ZNF263: variants seen among roughly 807,000 people sequenced by gnomAD.
ZNF263 encodes the protein zinc finger protein 263, also known as zinc finger protein FPM315.
Under a neutral mutation model 63.1 loss-of-function variants are expected in ZNF263, and 49 were observed. The observed-to-expected ratio is 0.78, with a 90% confidence interval of 0.62 to 0.99. The LOEUF (loss-of-function observed/expected upper bound fraction) is 0.99, where lower values mean the gene tolerates loss of function less well. Ranked by LOEUF, ZNF263 falls within the 50% of genes least tolerant of loss-of-function variation. The probability of loss-of-function intolerance (pLI) is 0.00; values close to 1 mark genes in which losing one functional copy is unlikely to be tolerated. For missense variants in ZNF263, 872 were observed against 854.8 expected (o/e 1.02, Z -0.25); for synonymous variants, 352 against 324.2 (o/e 1.09, Z -0.92).
chr16:3,289,398 G>A lies in ZNF263; in HGVS notation c.892G>A (p.Glu298Lys), dbSNP rs761573685. Residue 298 changes from glutamate to lysine, a missense_variant, in exon 6 of 6, where the codon GAG (glutamate) becomes AAG (lysine). By Grantham distance (56) the Glu-to-Lys change is moderately conservative (BLOSUM62 1). Transcript: ENST00000219069. ...GGTTTCTCTCTCTCTACCAGGAGAA[G>A]AGAAATTTGAGAACCTGGAAGGTGT... is the stretch of plus-strand genomic sequence containing the variant. The part of the protein sequence containing the change: ...LSPRGPAPGE[E>K]KFENLEGVPS... The A allele has an allele frequency of 6.6e-7, 1 of 1,510,300 alleles. No individual in the cohort carries two copies. The highest frequency in any genetic ancestry group is 2.3e-5 in the East Asian group (1 of 43,834). 93.6% of individuals were successfully genotyped at this position (1,510,300 alleles called of 1,614,324 possible). A position where few individuals can be genotyped will look rare whatever the true frequency, so the allele number is the denominator to read the frequency against.
At position 3,283,672 on chromosome 16, in the gene ZNF263, G is replaced by T; in HGVS notation, c.-147G>T. On this transcript the variant is annotated 5_prime_UTR_variant, in exon 1 of 6. Transcript: ENST00000219069. The stretch of plus-strand genomic sequence containing the variant: ...AGGCCTAGGCGCCGGAGCCGGCCGC[G>T]CCTGGGCTGGAGCGGGGCTCCTCGG... 5.5e-6 allele frequency: 7 copies of T among 1,283,408 alleles called. No individual in the cohort carries two copies. Among genetic ancestry groups the T allele is most frequent in the African/African-American group, 1.5e-5 (1 of 64,610 alleles). 79.5% of individuals were successfully genotyped at this position (1,283,408 alleles called of 1,614,324 possible). A position where few individuals can be genotyped will look rare whatever the true frequency, so the allele number is the denominator to read the frequency against.
downstream of ZNF263, among the ~76,000 whole-genome samples, chr16:3,291,735 G>C (rs1021528371): frequency 6.6e-6 from 1 of 152,174 alleles, no homozygotes; most frequent in African/African-American, 2.4e-5. Context: ...GTGGTCTATA[G>C]CAGTAAAAAT....
intron 1 of ZNF263, among the ~76,000 whole-genome samples, chr16:3,298,170 C>A (rs553212373): frequency 7.9e-5 from 12 of 152,232 alleles, no homozygotes; most frequent in Admixed American, 5.2e-4. Context: ...GAAATAGTGC[C>A]GTATGATGGT....
downstream of ZNF263, among the ~76,000 whole-genome samples, chr16:3,292,625 G>A (rs1201231129): frequency 6.6e-6 from 1 of 152,168 alleles, no homozygotes; most frequent in South Asian, 2.1e-4. Flanking sequence ...ACTGGAAAGC[G>A]CCCCTTCCAT....
In ZNF263 at chr16:3,288,481, C is replaced by G. The variant is rs781606958; in HGVS notation, c.797C>G (p.Pro266Arg). ...TCTCACATTCCCAGTCAGGAGGTCC[C>G]AGGCACCCAGGTGGGACAAGGAGGA... ...LESHIPSQEV[P>R]GTQVGQGGKL... Residue 266 changes from proline (P) to arginine (R), a missense_variant, in exon 5 of 6, where the codon CCA becomes CGA. Transcript: ENST00000219069. 3.1e-6 allele frequency: 5 copies of G among 1,612,580 alleles called. No homozygotes were observed. The highest frequency in any genetic ancestry group is 4.2e-6 in the Non-Finnish European group (5 of 1,179,128).
chr16:3,299,623 T>C, intron 2 of ZNF263: 1 of 1,565,232 alleles, frequency 6.4e-7, no homozygotes, highest in East Asian at 2.3e-5. Flanking sequence ...CACACCTTGA[T>C]TCATTGGTTG....
Position 3,289,665 on chromosome 16 carries a change from T to G in ZNF263, c.1159T>G (p.Phe387Val). 6.2e-7 allele frequency: 1 copy of G among 1,614,148 alleles called. No individual in the cohort carries two copies. Among genetic ancestry groups the G allele is most frequent in the Non-Finnish European group, 8.5e-7 (1 of 1,180,030 alleles). Residue 387 changes from phenylalanine to valine, a missense_variant, in exon 6 of 6, where the codon TTC (phenylalanine) becomes GTC (valine). Phe to Val is a conservative substitution (Grantham distance 50). Transcript: ENST00000219069. ...TTTATGTCCCTTGTGTGGCAAAAAT[T>G]TCTCTAACAACTCAAACCTAATTAG... ...LHLCPLCGKN[F>V]SNNSNLIRHQ...
intron 4 of ZNF263, 140 bp from the exon 5 acceptor site, chr16:3,288,314 T>G: frequency 1.5e-6 from 1 of 671,304 alleles, no homozygotes; most frequent in Non-Finnish European, 2.7e-6. Flanking sequence ...CTGGGAACAG[T>G]TTGTGTATAT....
At position 3,284,188 on chromosome 16, in the gene ZNF263, G is replaced by A. The variant is rs202041463; in HGVS notation, c.370G>A (p.Gly124Arg). 3 of 1,545,178 alleles carry A rather than the reference G, an allele frequency of 1.9e-6. No individual in the cohort carries two copies. The highest frequency in any genetic ancestry group is 2.7e-5 in the African/African-American group (2 of 73,058). The change falls in exon 1 of 6, where the codon GGG becomes AGG. Residue 124 changes from glycine (G) to arginine (R), a missense_variant. Gly to Arg is a moderately radical substitution (Grantham distance 125, BLOSUM62 -2). Transcript: ENST00000219069. The part of the protein sequence containing the change: ...TLVEDMQREL[G>R]RLRQQVTNHG... Reference sequence around the variant, plus strand: ...TGTGGAGGATATGCAGAGAGAGCTTGGGAGACTGAGACAACAGGTGAGAGA... The same window carrying A: ...TGTGGAGGATATGCAGAGAGAGCTTAGGAGACTGAGACAACAGGTGAGAGA...
At chr16:3,288,594 T>A (rs1231899960) in intron 5 of ZNF263, 24 bp downstream of exon 5, 2 of 1,555,114 alleles carry the variant, frequency 1.3e-6, no homozygotes, top group African/African-American at 2.7e-5. Flanking sequence ...ACAAGTGGCC[T>A]GCGCAGCAAG....
Position 3,283,848 on chromosome 16 carries a change from G to T in ZNF263, c.30G>T (p.Arg10=). 6.3e-7 allele frequency: 1 copy of T among 1,588,732 alleles called. No homozygotes were observed. Among genetic ancestry groups the T allele is most frequent in the Non-Finnish European group, 8.6e-7 (1 of 1,168,490 alleles). Residue 10 remains arginine, a synonymous_variant, in exon 1 of 6, where the codon CGG becomes CGT. Coordinates refer to ENST00000219069, the MANE Select transcript of ZNF263 (RefSeq NM_005741.5). ...CGTCGGGCCCGGGCTCCCAGGAACG[G>T]GAAGGGCTCCTGATAGTGAAGCTGG... MASGPGSQE[R]EGLLIVKLEE...
At chr16:3,284,619 T>C (rs534770585) in intron 1 of ZNF263, among the ~76,000 whole-genome samples, 1 of 152,232 alleles carries the variant, frequency 6.6e-6, no homozygotes, top group Admixed American at 6.5e-5. Flanking sequence ...AGCTTATGAG[T>C]GCTTAGTACT....
downstream of ZNF263, among the ~76,000 whole-genome samples, chr16:3,293,741 G>A (rs550179136): frequency 2.0e-5 from 3 of 152,356 alleles, no homozygotes; most frequent in African/African-American, 4.8e-5. Context: ...GCCTGGCAGC[G>A]TCAGGCTGGG....
In ZNF263 at chr16:3,298,384, AAT is replaced by A. The variant is rs549084889; in HGVS notation, c.152-719_152-718del. On this transcript the variant is annotated intron_variant, in intron 1 of 2. Transcript: ENST00000574674. ...CTAACGTATTAGTAACAAACCATAA[AAT>A]ATGTTAAGACAGTAAGAGATAAGGT... is the stretch of plus-strand genomic sequence containing the variant. 5.3e-3 allele frequency among the ~76,000 whole-genome samples: 815 copies of A among 152,392 alleles called. 9 individuals are homozygous for A. Among genetic ancestry groups the A allele is most frequent in the African/African-American group, 0.019 (778 of 41,590 alleles).
chr16:3,300,397 GT>G lies in ZNF263; in HGVS notation c.*47-514del, dbSNP rs754264095. On this transcript the variant is annotated intron_variant, in intron 2 of 2. Coordinates refer to the ZNF263 transcript ENST00000574674. Reference sequence around the variant, plus strand: ...ATCTACATCACCATATTTGGCTCCCGTTGTCCTCTTTCTCTTCTCAGCCCCT... The same window carrying G: ...ATCTACATCACCATATTTGGCTCCCGTGTCCTCTTTCTCTTCTCAGCCCCT... The G allele has an allele frequency of 1.9e-6, 3 of 1,614,070 alleles. No individual in the cohort carries two copies. In the South Asian group the frequency reaches 3.3e-5, roughly 18 times the overall value.
downstream of ZNF263, among the ~76,000 whole-genome samples, chr16:3,296,213 T>C (rs1959739780): frequency 6.6e-6 from 1 of 152,254 alleles, no homozygotes; most frequent in Admixed American, 6.5e-5. Flanking sequence ...CATGCTATTG[T>C]CTAGTACATG....
chr16:3,298,109 A>C (rs1210716974), intron 1 of ZNF263, among the ~76,000 whole-genome samples: 1 of 152,212 alleles, frequency 6.6e-6, no homozygotes, highest in African/African-American at 2.4e-5. Flanking sequence ...AGTATTAAAA[A>C]ACCATCAAAT....
Position 3,283,853 on chromosome 16 carries a change from G to A in ZNF263, c.35G>A (p.Gly12Glu). The A allele has an allele frequency of 1.3e-6, 2 of 1,592,854 alleles. No homozygotes were observed. The highest frequency in any genetic ancestry group is 1.1e-5 in the South Asian group (1 of 89,832). ...ASGPGSQERE[G>E]LLIVKLEEDC... The stretch of plus-strand genomic sequence containing the variant: ...GGCCCGGGCTCCCAGGAACGGGAAG[G>A]GCTCCTGATAGTGAAGCTGGAGGAG... The change falls in exon 1 of 6, where the codon GGG becomes GAG. Residue 12 changes from glycine to glutamate, a missense_variant. Coordinates refer to ENST00000219069, the MANE Select transcript of ZNF263 (RefSeq NM_005741.5).
chr16:3,300,293 C>G (rs984513113), intron 2 of ZNF263: 10 of 1,614,110 alleles, frequency 6.2e-6, no homozygotes, highest in African/African-American at 1.3e-5. Context: ...GCAAATCTCT[C>G]TGCAGCAGCC....
Sources: allele counts gnomAD v4.1 joint callset (sites outside exome capture counted in the v4.1 genomes callset), GRCh38; gene constraint gnomAD v4.1.1; transcripts MANE v1.5; gene names NCBI Gene and HGNC (gene_info 2026-07-23, HGNC 2026-07-21).